The following SH3D19 variants were observed in gnomAD, a reference collection of about 807,000 sequenced individuals.
SH3D19 encodes SH3 domain containing 19.
SH3D19 carries 58 observed loss-of-function variants against 112.1 expected under a neutral mutation model. That is an observed-to-expected ratio of 0.52 (90% CI 0.42 to 0.64). SH3D19 has a LOEUF of 0.64. Ranked by LOEUF, SH3D19 falls within the 30% of genes least tolerant of loss-of-function variation. The probability of loss-of-function intolerance (pLI) is 0.00; values close to 1 mark genes in which losing one functional copy is unlikely to be tolerated. For synonymous variants in SH3D19, 391 were observed against 448.5 expected (o/e 0.87, Z 1.62); for missense variants, 1,090 against 1,263.4 (o/e 0.86, Z 2.08).
At chr4:151,322,815 T>C (rs561761911) in intron 1 of SH3D19, among the ~76,000 whole-genome samples, 2 of 152,218 alleles carry the variant, frequency 1.3e-5, no homozygotes, top group African/African-American at 2.4e-5. Context: ...CTCAAGTCAT[T>C]ACTTGCTTTC....
Position 151,288,156 on chromosome 4 carries a change from A to C in SH3D19, c.112+37085T>G, listed in dbSNP as rs528117393. On this transcript the variant is annotated intron_variant, in intron 1 of 19. Transcript: ENST00000604030. The stretch of plus-strand genomic sequence containing the variant: ...CTCGATCAAGTGCAACTACAAAAAA[A>C]CCCACAGCTAAAATACTTCGTGGTA... 1.2e-4 allele frequency among the ~76,000 whole-genome samples: 18 copies of C among 152,266 alleles called. No individual in the cohort carries two copies. In the South Asian group the frequency reaches 3.7e-3, roughly 32 times the overall value.
Position 151,132,313 on chromosome 4 carries a change from T to C in SH3D19, c.2742+18A>G, listed in dbSNP as rs773073085. ...CTGAACCTGGCTGTCACTATAGTCA[T>C]CTGTTCAAGCAGCCTACCTGAGAGT... On this transcript the variant is annotated intron_variant, in intron 17 of 19. Coordinates refer to ENST00000604030, the MANE Select transcript of SH3D19 (RefSeq NM_001378122.1). The C allele has an allele frequency of 5.0e-6, 8 of 1,612,438 alleles. No individual in the cohort carries two copies. In the East Asian group the frequency reaches 1.3e-4, roughly 27 times the overall value.
rs1018487134 is a variant in SH3D19, at chr4:151,298,327, G to A, written c.112+26914C>T. On this transcript the variant is annotated intron_variant, in intron 1 of 19. Coordinates refer to ENST00000604030, the MANE Select transcript of SH3D19 (RefSeq NM_001378122.1). ...TGAGTAGCTGGGACTACAGGCACCC[G>A]CCGCCATGCCCAGCTAATTTTTGTA... Among the ~76,000 whole-genome samples, 15 of 151,116 alleles carry A rather than the reference G, an allele frequency of 9.9e-5. No homozygotes were observed. In the East Asian group the frequency reaches 2.4e-3, roughly 24 times the overall value.
intron 1 of SH3D19, among the ~76,000 whole-genome samples, chr4:151,287,723 C>T (rs982893429): frequency 6.6e-6 from 1 of 152,072 alleles, no homozygotes; most frequent in Admixed American, 6.6e-5. Flanking sequence ...AGTGAGACCT[C>T]GTTTCTACAA....
chr4:151,277,216 G>C (rs1338679986), intron 1 of SH3D19: 3 of 1,501,616 alleles, frequency 2.0e-6, no homozygotes, highest in Non-Finnish European at 2.7e-6. Context: ...CTTCTGCTGG[G>C]GATCTCAGGT....
chr4:151,310,943 T>A (rs1260442481), intron 1 of SH3D19, among the ~76,000 whole-genome samples: 3 of 151,036 alleles, frequency 2.0e-5, no homozygotes, highest in African/African-American at 7.3e-5. Context: ...ATAGCCAAGA[T>A]ACATAAACAA....
intron 1 of SH3D19, among the ~76,000 whole-genome samples, chr4:151,248,091 G>A (rs1421069313): frequency 6.6e-6 from 1 of 151,184 alleles, no homozygotes; most frequent in East Asian, 1.9e-4. Flanking sequence ...TTTTCAAACT[G>A]TAAGGTATTT....
In SH3D19 at chr4:151,176,677, G is replaced by A; in HGVS notation, c.386C>T (p.Ser129Phe). 8.1e-7 allele frequency: 1 copy of A among 1,232,032 alleles called. No homozygotes were observed. The highest frequency in any genetic ancestry group is 1.0e-6 in the Non-Finnish European group (1 of 987,838). 76.3% of individuals were successfully genotyped at this position (1,232,032 alleles called of 1,614,324 possible). A position where few individuals can be genotyped will look rare whatever the true frequency, so the allele number is the denominator to read the frequency against. The change falls in exon 6 of 20, where the codon TCT (serine) becomes TTT (phenylalanine). Residue 129 changes from serine (S) to phenylalanine (F), a missense_variant. Physicochemically the swap from Ser to Phe is radical, Grantham distance 155 (BLOSUM62 -2). Coordinates refer to ENST00000604030, the MANE Select transcript of SH3D19 (RefSeq NM_001378122.1). Reference sequence around the variant, plus strand: ...GATTTCTTTTATAACTTGTTCATAAGATGGTGGGAGCTGAAAAGTAAAGAA... The same window carrying A: ...GATTTCTTTTATAACTTGTTCATAAAATGGTGGGAGCTGAAAAGTAAAGAA... Reference protein sequence around the residue: ...NELVPAELPPSYEQVIKEINQ... With the variant: ...NELVPAELPPFYEQVIKEINQ...
intron 1 of SH3D19, among the ~76,000 whole-genome samples, chr4:151,234,283 G>A (rs901924048): frequency 9.2e-5 from 14 of 152,198 alleles, no homozygotes; most frequent in Non-Finnish European, 1.9e-4. Context: ...CATTCTGATT[G>A]TTGAATTCAA....
At chr4:151,305,477 A>T (rs1020703749) in intron 1 of SH3D19, among the ~76,000 whole-genome samples, 1 of 152,224 alleles carries the variant, frequency 6.6e-6, no homozygotes, top group Non-Finnish European at 1.5e-5. Flanking sequence ...ATATTTAAAC[A>T]ACCCAATTTT....
intron 1 of SH3D19, among the ~76,000 whole-genome samples, chr4:151,307,068 G>C (rs1264242026): frequency 2.0e-5 from 3 of 148,932 alleles, no homozygotes; most frequent in Admixed American, 2.0e-4. Flanking sequence ...GCCCAGGCTG[G>C]AGTGCAGTGG....
intron 1 of SH3D19, among the ~76,000 whole-genome samples, chr4:151,316,476 T>C (rs942080104): frequency 1.3e-5 from 2 of 152,210 alleles, no homozygotes; most frequent in African/African-American, 2.4e-5. Flanking sequence ...GAATCTACCA[T>C]ACTAAGATGC....
intron 7 of SH3D19, among the ~76,000 whole-genome samples, chr4:151,173,760 TCA>T (rs1158511680): frequency 6.6e-6 from 1 of 152,238 alleles, no homozygotes; most frequent in Non-Finnish European, 1.5e-5. Context: ...GGCTGTGAAA[TCA>T]CAGAGCCTGT....
At chr4:151,289,245 A>G (rs1430555092) in intron 1 of SH3D19, among the ~76,000 whole-genome samples, 1 of 152,244 alleles carries the variant, frequency 6.6e-6, no homozygotes, top group Non-Finnish European at 1.5e-5. Context: ...AAATGGATCT[A>G]AGACCTAAAT....
intron 14 of SH3D19, 87 bp from the exon 15 acceptor site, chr4:151,135,219 G>T: frequency 3.8e-6 from 4 of 1,051,554 alleles, no homozygotes; most frequent in East Asian, 2.6e-5. Flanking sequence ...GAAAGTACAT[G>T]ACTGAAATCG....
chr4:151,211,552 C>T (rs76294438), intron 2 of SH3D19, among the ~76,000 whole-genome samples: 1 of 149,890 alleles, frequency 6.7e-6, no homozygotes, highest in East Asian at 2.0e-4. Flanking sequence ...GCCTCTTCCA[C>T]CACACATTTA....
chr4:151,322,004 T>C (rs1300405151), intron 1 of SH3D19, among the ~76,000 whole-genome samples: 1 of 152,198 alleles, frequency 6.6e-6, no homozygotes, highest in Non-Finnish European at 1.5e-5. Context: ...GGATCTTGGA[T>C]ACCACCATCA....
chr4:151,214,376 C>T (rs1421152074), intron 2 of SH3D19, among the ~76,000 whole-genome samples: 2 of 143,204 alleles, frequency 1.4e-5, no homozygotes, highest in Admixed American at 7.0e-5. Context: ...TCTCAATGGG[C>T]TGTTGGGCAC....
chr4:151,245,844 G>A (rs1183991075), intron 1 of SH3D19, among the ~76,000 whole-genome samples: 1 of 152,224 alleles, frequency 6.6e-6, no homozygotes, highest in African/African-American at 2.4e-5. Context: ...TCAAGTGACT[G>A]CCTGCCTTGG....
Sources: gnomAD v4.1 joint callset for allele counts (sites outside exome capture counted in the v4.1 genomes callset) on GRCh38, gnomAD v4.1.1 for gene constraint, MANE v1.5 for transcripts, NCBI Gene and HGNC (gene_info 2026-07-23, HGNC 2026-07-21) for gene names.